Variants in DOCK2 observed in about 807,000 individuals in gnomAD.
DOCK2 encodes the protein dedicator of cytokinesis 2.
A neutral mutation model predicts 248.9 loss-of-function variants in DOCK2; 87 were observed. The observed-to-expected ratio is 0.35, with a 90% CI of 0.29 to 0.42. The LOEUF (loss-of-function observed/expected upper bound fraction) is 0.42. Ranked by LOEUF, DOCK2 falls within the 10% of genes least tolerant of loss-of-function variation. DOCK2 has a pLI of 1.00. For missense variants in DOCK2, 1,747 were observed against 2,300.2 expected (o/e 0.76, Z 4.92); for synonymous variants, 805 against 821.6 (o/e 0.98, Z 0.35).
At chr5:170,012,189 CATATT>C (rs1755325686) in intron 32 of DOCK2, among the ~76,000 whole-genome samples, 2 of 152,142 alleles carry the variant, frequency 1.3e-5, no homozygotes, top group Admixed American at 6.5e-5. Flanking sequence ...AAAGTGTATG[CATATT>C]GTTTCAAAGG....
intron 27 of DOCK2, among the ~76,000 whole-genome samples, chr5:169,964,224 T>C (rs1777206084): frequency 6.6e-6 from 1 of 152,176 alleles, no homozygotes; most frequent in Non-Finnish European, 1.5e-5. Flanking sequence ...TTATCCTCGG[T>C]GACCACAGGC....
At chr5:169,726,382 G>A (rs975121906) in intron 22 of DOCK2, among the ~76,000 whole-genome samples, 1 of 152,114 alleles carries the variant, frequency 6.6e-6, no homozygotes, top group African/African-American at 2.4e-5. Context: ...ATTTGTTTAA[G>A]TTCTTTGTAG....
chr5:169,856,012 G>A (rs1438638404), intron 27 of DOCK2, among the ~76,000 whole-genome samples: 1 of 152,144 alleles, frequency 6.6e-6, no homozygotes, highest in African/African-American at 2.4e-5. Flanking sequence ...GAGCAGTGAG[G>A]AGCGAAGGGG....
chr5:169,708,898 A>G (rs971896409), intron 15 of DOCK2, among the ~76,000 whole-genome samples: 1 of 152,188 alleles, frequency 6.6e-6, no homozygotes, highest in Non-Finnish European at 1.5e-5. Context: ...TGAGCAAGGC[A>G]GTTCTGTGCA....
Position 169,782,536 on chromosome 5 carries a change from TG to T in DOCK2, c.2555-20519del, listed in dbSNP as rs533065798. ...TTTTTTTTAATTTCTTGATTCATCC[TG>T]GGAAATGGGTACATCCACAGAATGC... is the stretch of plus-strand genomic sequence containing the variant. On this transcript the variant is annotated intron_variant, in intron 25 of 51. Transcript: ENST00000520908. 4.8e-3 allele frequency among the ~76,000 whole-genome samples: 730 copies of T among 151,594 alleles called. 3 individuals carry two copies. The highest frequency in any genetic ancestry group is 8.5e-3 in the Non-Finnish European group (574 of 67,922).
chr5:169,653,975 G>T (rs1456876745), intron 1 of DOCK2, among the ~76,000 whole-genome samples: 1 of 152,212 alleles, frequency 6.6e-6, no homozygotes, highest in Non-Finnish European at 1.5e-5. Context: ...CAGCTGCCTG[G>T]CTCTCCTGCT....
intron 34 of DOCK2, among the ~76,000 whole-genome samples, chr5:170,028,793 T>G (rs1756021676): frequency 6.6e-6 from 1 of 150,466 alleles, no homozygotes; most frequent in Non-Finnish European, 1.5e-5. Context: ...ACCCAAACAC[T>G]CCCCCATCTC....
chr5:170,034,470 G>T lies in DOCK2; in HGVS notation c.3539G>T (p.Gly1180Val). The change falls in exon 35 of 52, where the codon GGC becomes GTC. Residue 1180 changes from glycine to valine, a missense_variant. Gly to Val is a moderately radical substitution (Grantham distance 109). This residue lies in a region of DOCK2 where 858 missense variants were observed against 1,183.5 expected (regional missense o/e 0.72). Transcript: ENST00000520908. ...GAGAACTTCGTGAACCTGGTCAAAG[G>T]CCTCCTGGAGAAGCTGCTGGATTAC... is the stretch of plus-strand genomic sequence containing the variant. ...SVENFVNLVK[G>V]LLEKLLDYRG... The T allele has an allele frequency of 6.2e-7, 1 of 1,614,080 alleles. No homozygotes were observed. Among genetic ancestry groups the T allele is most frequent in the East Asian group, 2.2e-5 (1 of 44,890 alleles).
At chr5:169,744,636 C>T (rs1763503960) in intron 22 of DOCK2, among the ~76,000 whole-genome samples, 1 of 151,986 alleles carries the variant, frequency 6.6e-6, no homozygotes, top group South Asian at 2.1e-4. Context: ...TAATGAGACA[C>T]AGAGAAGTTG....
In DOCK2 at chr5:169,832,031, A is replaced by G. The variant is rs1769259784; in HGVS notation, c.2704-8726A>G. Among the ~76,000 whole-genome samples the G allele has an allele frequency of 2.0e-5, 3 of 152,234 alleles. No homozygotes were observed. In the South Asian group the frequency reaches 6.2e-4, roughly 32 times the overall value. On this transcript the variant is annotated intron_variant, in intron 26 of 51. Transcript: ENST00000520908. Reference sequence around the variant, plus strand: ...TGCCATCGACACCACACTTCTGATCATGGAAGGAGCATGCAATTAGGCAGA... The same window carrying G: ...TGCCATCGACACCACACTTCTGATCGTGGAAGGAGCATGCAATTAGGCAGA...
chr5:169,811,744 T>C (rs1217338962), intron 26 of DOCK2, among the ~76,000 whole-genome samples: 3 of 152,144 alleles, frequency 2.0e-5, no homozygotes, highest in African/African-American at 7.2e-5. Flanking sequence ...ACTATCCCCA[T>C]TTAACTGGCG....
chr5:169,764,189 C>A lies in DOCK2; in HGVS notation c.2554+2564C>A, dbSNP rs1352760669. Among the ~76,000 whole-genome samples, 2 of 152,178 alleles carry A rather than the reference C, an allele frequency of 1.3e-5. No homozygotes were observed. The highest frequency in any genetic ancestry group is 4.8e-5 in the African/African-American group (2 of 41,428). ...GGACGTGATTTGCTTTGAGCCTGCA[C>A]TCATTTAACTGCCAGATGTGCAAAT... On this transcript the variant is annotated intron_variant, in intron 25 of 51. Transcript: ENST00000520908. This position sits in a 1 kb window ranked among gnomAD's most constrained non-coding sequence, Gnocchi z 4.3.
At chr5:170,069,568 C>T (rs1195649039) in intron 46 of DOCK2, among the ~76,000 whole-genome samples, 2 of 152,148 alleles carry the variant, frequency 1.3e-5, no homozygotes, top group Non-Finnish European at 2.9e-5. Flanking sequence ...TCCCCCGACA[C>T]CCAGCACAGG....
At chr5:169,914,954 C>G (rs987605392) in intron 27 of DOCK2, among the ~76,000 whole-genome samples, 1 of 152,262 alleles carries the variant, frequency 6.6e-6, no homozygotes, top group Non-Finnish European at 1.5e-5. Context: ...CTGCCCAGAG[C>G]TGGCAGCCAG....
Position 169,983,175 on chromosome 5 carries a change from G to T in DOCK2, c.2898+9G>T, listed in dbSNP as rs749589451. 1.2e-6 allele frequency: 2 copies of T among 1,613,884 alleles called. No homozygotes were observed. Among genetic ancestry groups the T allele is most frequent in the African/African-American group, 1.3e-5 (1 of 75,048 alleles). ...CCAGCTCTGAACTTGTGGTGAGTCT[G>T]CAGGATGCTGGGGGTGAGGAAGAAC... On this transcript the variant is annotated intron_variant, in intron 28 of 51. Transcript: ENST00000520908.
In DOCK2 at chr5:169,707,674, G is replaced by A. The variant is rs1761351899; in HGVS notation, c.1384-495G>A. Among the ~76,000 whole-genome samples, 3 of 152,250 alleles carry A rather than the reference G, an allele frequency of 2.0e-5. No individual in the cohort carries two copies. In the East Asian group the frequency reaches 5.8e-4, roughly 29 times the overall value. On this transcript the variant is annotated intron_variant, in intron 14 of 51. Transcript: ENST00000520908. ...CCTCACCCCAGACTTGTTCTTTAAG[G>A]CAGGTGCTCATGTGTCTCTCTGAAG...
At chr5:169,962,397 G>A (rs1383289512) in intron 27 of DOCK2, among the ~76,000 whole-genome samples, 3 of 152,184 alleles carry the variant, frequency 2.0e-5, no homozygotes. Context: ...GAGGCAACCG[G>A]AAAGTGGGGG....
intron 26 of DOCK2, among the ~76,000 whole-genome samples, chr5:169,821,613 G>A (rs562282705): frequency 6.6e-6 from 1 of 152,266 alleles, no homozygotes; most frequent in East Asian, 1.9e-4. Flanking sequence ...AAGAGCTCCT[G>A]AAGTAAGCAC....
At chr5:169,839,940 C>T (rs1427036796) in intron 26 of DOCK2, among the ~76,000 whole-genome samples, 1 of 152,212 alleles carries the variant, frequency 6.6e-6, no homozygotes, top group Non-Finnish European at 1.5e-5. Context: ...ATTAAATTTC[C>T]TCCTTATTCC....
Sources: allele counts gnomAD v4.1 joint callset (sites outside exome capture counted in the v4.1 genomes callset), GRCh38; gene constraint gnomAD v4.1.1; regional missense constraint gnomAD v4.1.1; non-coding constraint Gnocchi (gnomAD v3.1); transcripts MANE v1.5; gene names NCBI Gene and HGNC (gene_info 2026-07-23, HGNC 2026-07-21).